KIFC3: variants seen among roughly 807,000 people sequenced by gnomAD.
The protein encoded by KIFC3 is kinesin-like protein KIFC3.
Under a neutral mutation model 101.8 loss-of-function variants are expected in KIFC3, and 60 were observed. The ratio of observed to expected loss-of-function variants is 0.59; its 90% CI spans 0.48 to 0.73. The LOEUF (loss-of-function observed/expected upper bound fraction) is 0.73, where lower values mean the gene tolerates loss of function less well. Ranked by LOEUF, KIFC3 falls within the 30% of genes least tolerant of loss-of-function variation. KIFC3 has a pLI of 0.00. For synonymous variants in KIFC3, 476 were observed against 482.7 expected (o/e 0.99, Z 0.18); for missense variants, 966 against 1,137.1 (o/e 0.85, Z 2.16).
At chr16:57,796,770 G>A (rs1009860462) in intron 2 of KIFC3, among the ~76,000 whole-genome samples, 3 of 152,102 alleles carry the variant, frequency 2.0e-5, no homozygotes, top group African/African-American at 4.8e-5. Flanking sequence ...AGACACACAC[G>A]ACTAGAAGGC....
chr16:57,861,217 G>T (rs1354643371), intron 1 of KIFC3, among the ~76,000 whole-genome samples: 3 of 152,116 alleles, frequency 2.0e-5, no homozygotes, highest in Admixed American at 2.0e-4. Context: ...TTTTGTTCTT[G>T]AAATATTGGG....
intron 1 of KIFC3, among the ~76,000 whole-genome samples, chr16:57,856,513 A>G (rs1465556388): frequency 2.0e-5 from 3 of 149,694 alleles, no homozygotes; most frequent in South Asian, 2.2e-4. Flanking sequence ...GGGAGGAAGG[A>G]AGGGAGGGAA....
At chr16:57,794,747 C>CTG (rs1555621860) in intron 3 of KIFC3, among the ~76,000 whole-genome samples, 1 of 152,208 alleles carries the variant, frequency 6.6e-6, no homozygotes, top group Non-Finnish European at 1.5e-5. Flanking sequence ...TCAGCTAAGG[C>CTG]CCCATGCTTC....
At chr16:57,812,005 T>C (rs901191560) in intron 1 of KIFC3, among the ~76,000 whole-genome samples, 3 of 149,998 alleles carry the variant, frequency 2.0e-5, no homozygotes, top group Non-Finnish European at 4.4e-5. Context: ...ATCAGACCAC[T>C]GCACTACAGC....
intron 3 of KIFC3, chr16:57,790,993 A>C: frequency 1.1e-6 from 1 of 902,234 alleles, no homozygotes; most frequent in Non-Finnish European, 1.3e-6. Flanking sequence ...CAGCACTTTG[A>C]GAGGCTGAGG....
intron 1 of KIFC3, among the ~76,000 whole-genome samples, chr16:57,860,904 G>A (rs1192244060): frequency 6.6e-6 from 1 of 151,954 alleles, no homozygotes; most frequent in Non-Finnish European, 1.5e-5. Flanking sequence ...TAAAGACAGG[G>A]TTTTTTCATG....
intron 1 of KIFC3, among the ~76,000 whole-genome samples, chr16:57,856,110 G>T (rs1323018736): frequency 6.6e-6 from 1 of 151,806 alleles, no homozygotes. Flanking sequence ...GATCACTTGA[G>T]CCCAGGCATT....
upstream of KIFC3, chr16:57,802,545 G>A: frequency 2.0e-6 from 2 of 988,108 alleles, no homozygotes; most frequent in Non-Finnish European, 2.4e-6. The surrounding 1 kb of genome is among the most constrained non-coding windows in gnomAD (Gnocchi z 5.0). Flanking sequence ...CGTTCCCATG[G>A]CAACCGGCTC....
intron 1 of KIFC3, among the ~76,000 whole-genome samples, chr16:57,801,624 G>C (rs948336046): frequency 6.6e-6 from 1 of 152,270 alleles, no homozygotes; most frequent in Non-Finnish European, 1.5e-5. Flanking sequence ...AAGACCAGGG[G>C]TGGCCACAAC....
At chr16:57,803,107 C>T (rs890188052), upstream of KIFC3, 56 of 1,355,676 alleles carry the variant, frequency 4.1e-5, no homozygotes, top group Non-Finnish European at 5.6e-5. Flanking sequence ...CCTACCTCTG[C>T]ACCCCCAGCC....
chr16:57,826,019 G>A (rs146541058), intron 1 of KIFC3, among the ~76,000 whole-genome samples: 136 of 152,312 alleles, frequency 8.9e-4, no homozygotes, highest in Non-Finnish European at 1.7e-3. Context: ...AGCCATATAT[G>A]TTCAAACAGT....
rs1416611654 is a variant in KIFC3 at position 57,758,440 on chromosome 16, C to G, written c.*494G>C. 1.6e-5 allele frequency: 6 copies of G among 375,650 alleles called. No individual in the cohort carries two copies. In the East Asian group the frequency reaches 4.1e-4, roughly 26 times the overall value. The allele number at this position is 375,650 out of a possible 1,614,324, so 23.3% of individuals were successfully genotyped here. On this transcript the variant is annotated 3_prime_UTR_variant, in exon 20 of 20. Coordinates refer to ENST00000445690, the MANE Select transcript of KIFC3 (RefSeq NM_001130100.2). ...CCGCACACCCCCCAGCTGCGGGAAC[C>G]CTCCTTGAAGGAGAGGGGCGGGGAG...
At chr16:57,795,902 T>TG (rs2054279657) in intron 2 of KIFC3, among the ~76,000 whole-genome samples, 1 of 146,722 alleles carries the variant, frequency 6.8e-6, no homozygotes, top group Admixed American at 6.7e-5. Context: ...TTTTTTTTTT[T>TG]TTTTTTTTTG....
At chr16:57,759,272 G>A in intron 18 of KIFC3, 119 bp from the exon 19 acceptor site, 1 of 1,220,502 alleles carries the variant, frequency 8.2e-7, no homozygotes. Flanking sequence ...CATGATCTGG[G>A]CTAAACAGGG....
chr16:57,774,689 A>ATTT (rs34004359), intron 3 of KIFC3: 23 of 298,458 alleles, frequency 7.7e-5, no homozygotes, highest in Admixed American at 2.7e-4. Context: ...CGCCCGGCTA[A>ATTT]TTTTTTTTTT....
At chr16:57,859,467 G>C (rs1322890251) in intron 1 of KIFC3, among the ~76,000 whole-genome samples, 1 of 152,150 alleles carries the variant, frequency 6.6e-6, no homozygotes, top group Admixed American at 6.6e-5. Context: ...TAGTTAAAGC[G>C]TCAAAAGAGT....
chr16:57,842,652 C>T (rs1342196167), intron 1 of KIFC3, among the ~76,000 whole-genome samples: 1 of 152,142 alleles, frequency 6.6e-6, no homozygotes, highest in Non-Finnish European at 1.5e-5. Context: ...CTCTTTTCAT[C>T]CCATAACAAC....
chr16:57,782,164 A>G (rs2052810604), intron 3 of KIFC3: 17 of 984,568 alleles, frequency 1.7e-5, no homozygotes, highest in Non-Finnish European at 2.1e-5. Flanking sequence ...CACACATTAC[A>G]GTTGACCATC....
chr16:57,848,084 C>T (rs907922670), intron 1 of KIFC3, among the ~76,000 whole-genome samples: 2 of 152,162 alleles, frequency 1.3e-5, no homozygotes, highest in Admixed American at 6.6e-5. Flanking sequence ...CCATGCTTGG[C>T]CTGGATGCCA....
Sources: allele counts gnomAD v4.1 joint callset (sites outside exome capture counted in the v4.1 genomes callset), GRCh38; gene constraint gnomAD v4.1.1; non-coding constraint Gnocchi (gnomAD v3.1); transcripts MANE v1.5; gene names NCBI Gene and HGNC (gene_info 2026-07-23, HGNC 2026-07-21).